Variants in CENPP observed in about 807,000 individuals in gnomAD.
The protein encoded by CENPP is centromere protein P.
In CENPP, 24 loss-of-function variants were observed where a neutral mutation model predicts 35.6. That is an observed-to-expected ratio of 0.67 (90% confidence interval 0.49 to 0.95). The LOEUF (loss-of-function observed/expected upper bound fraction) is 0.95, where lower values mean the gene tolerates loss of function less well. Ranked by LOEUF, CENPP falls within the 40% of genes least tolerant of loss-of-function variation. CENPP has a pLI of 0.00. For missense variants in CENPP, 332 were observed against 345.3 expected (o/e 0.96, Z 0.31); for synonymous variants, 120 against 125.5 (o/e 0.96, Z 0.29).
At position 92,615,943 on chromosome 9, in the gene CENPP, G is replaced by A. The variant is rs766204503; in HGVS notation, c.*2794G>A. 83 of 1,613,916 alleles carry A rather than the reference G, an allele frequency of 5.1e-5. No individual in the cohort carries two copies. Among genetic ancestry groups the A allele is most frequent in the South Asian group, 6.6e-5 (6 of 91,076 alleles). On this transcript the variant is annotated 3_prime_UTR_variant, in exon 8 of 8. Transcript: ENST00000375587. Reference sequence around the variant, plus strand: ...TTGAATAATAGTTGACGATCTTGCCGTCCAGTTTATACTGATGGGGAATGC... The same window carrying A: ...TTGAATAATAGTTGACGATCTTGCCATCCAGTTTATACTGATGGGGAATGC...
intron 4 of CENPP, among the ~76,000 whole-genome samples, chr9:92,377,828 A>T (rs1221891470): frequency 6.6e-6 from 1 of 152,206 alleles, no homozygotes; most frequent in African/African-American, 2.4e-5. Context: ...AATTCTGGAA[A>T]TTATTCTATA....
In CENPP at chr9:92,455,809, C is replaced by A. The variant is rs554055222; in HGVS notation, c.564+75950C>A. ...ACATTAGGCCAGGCTCAGTGGCTCA[C>A]GCCTGTAATCCCAGCACTTTGGGAG... On this transcript the variant is annotated intron_variant, in intron 5 of 7. Transcript: ENST00000375587. 2.6e-5 allele frequency among the ~76,000 whole-genome samples: 4 copies of A among 152,310 alleles called. No individual in the cohort carries two copies. In the South Asian group the frequency reaches 6.2e-4, roughly 24 times the overall value.
chr9:92,356,028 C>T (rs1249331226), intron 4 of CENPP, among the ~76,000 whole-genome samples: 1 of 152,122 alleles, frequency 6.6e-6, no homozygotes, highest in East Asian at 1.9e-4. Flanking sequence ...AATATATAAA[C>T]ACAGGGGTTA....
chr9:92,497,496 T>C (rs1353460766), intron 5 of CENPP, among the ~76,000 whole-genome samples: 1 of 151,712 alleles, frequency 6.6e-6, no homozygotes, highest in Non-Finnish European at 1.5e-5. Flanking sequence ...TGGTGGCGTA[T>C]CCTTGTAATC....
chr9:92,583,516 T>C (rs1850477493), intron 5 of CENPP, among the ~76,000 whole-genome samples: 1 of 152,248 alleles, frequency 6.6e-6, no homozygotes, highest in South Asian at 2.1e-4. Context: ...GTTTTAACTC[T>C]ATCTCACAAG....
At chr9:92,482,224 A>G (rs1845936802) in intron 5 of CENPP, 1 of 152,236 alleles carries the variant, frequency 6.6e-6, no homozygotes, top group Admixed American at 6.5e-5. Context: ...TTTATTAATA[A>G]CATTAATGTC....
chr9:92,583,748 A>G (rs552340086), intron 5 of CENPP, among the ~76,000 whole-genome samples: 73 of 152,328 alleles, frequency 4.8e-4, no homozygotes, highest in Admixed American at 9.8e-4. Flanking sequence ...AGTGAAACAA[A>G]CAATATTTTC....
chr9:92,590,943 A>G (rs1475377054), intron 5 of CENPP, among the ~76,000 whole-genome samples: 1 of 152,242 alleles, frequency 6.6e-6, no homozygotes, highest in Non-Finnish European at 1.5e-5. Flanking sequence ...TAGTTTCAGG[A>G]TAGAGAAGTA....
Position 92,415,168 on chromosome 9 carries a change from T to C in CENPP, c.564+35309T>C, listed in dbSNP as rs765551119. The C allele has an allele frequency of 6.9e-6, 11 of 1,605,688 alleles. No individual in the cohort carries two copies. Among genetic ancestry groups the C allele is most frequent in the Non-Finnish European group, 7.6e-6 (9 of 1,177,588 alleles). ...AGTTTCTTGCTATTCTTGATTTTCA[T>C]AATAATGAAGGTCAAAGTGCCCTTC... On this transcript the variant is annotated intron_variant, in intron 5 of 7. Transcript: ENST00000375587.
At position 92,618,253 on chromosome 9, in the gene CENPP, C is replaced by T; in HGVS notation, c.*5104C>T. Reference sequence around the variant, plus strand: ...TGCAGGATGGTTCCAGTGCCTACACCCTAGGTCTGAGAAGCCACATGGCTC... The same window carrying T: ...TGCAGGATGGTTCCAGTGCCTACACTCTAGGTCTGAGAAGCCACATGGCTC... On this transcript the variant is annotated 3_prime_UTR_variant, in exon 8 of 8. Coordinates refer to ENST00000375587, the MANE Select transcript of CENPP (RefSeq NM_001012267.3). 2.2e-6 allele frequency: 1 copy of T among 456,640 alleles called. No individual in the cohort carries two copies. The highest frequency in any genetic ancestry group is 1.5e-5 in the South Asian group (1 of 64,572). 28.3% of individuals were successfully genotyped at this position (456,640 alleles called of 1,614,324 possible).
chr9:92,542,883 ATTTCT>A (rs1849347789), intron 5 of CENPP, among the ~76,000 whole-genome samples: 1 of 152,090 alleles, frequency 6.6e-6, no homozygotes, highest in East Asian at 1.9e-4. Context: ...TTTTGAGTTG[ATTTCT>A]GTTTATGGTG....
intron 5 of CENPP, among the ~76,000 whole-genome samples, chr9:92,436,050 C>T (rs1844238606): frequency 6.6e-6 from 1 of 152,190 alleles, no homozygotes; most frequent in African/African-American, 2.4e-5. Flanking sequence ...TTCAGTTTCT[C>T]GACATCCTCA....
intron 5 of CENPP, among the ~76,000 whole-genome samples, chr9:92,433,410 TACAG>T (rs1844167739): frequency 6.6e-6 from 1 of 152,176 alleles, no homozygotes. Context: ...TGGTACTTGG[TACAG>T]ACAGTGAGTC....
At position 92,475,307 on chromosome 9, in the gene CENPP, CT is replaced by C. The variant is rs1204520209; in HGVS notation, c.564+95452del. On this transcript the variant is annotated intron_variant, in intron 5 of 7. Coordinates refer to ENST00000375587, the MANE Select transcript of CENPP (RefSeq NM_001012267.3). ...AACCCACAAAATGCTTGCAAAGACA[CT>C]TTTAAATATGGGATATTATCTTTTG... Among the ~76,000 whole-genome samples, 12 of 152,042 alleles carry C rather than the reference CT, an allele frequency of 7.9e-5. No homozygotes were observed. In the East Asian group the frequency reaches 1.7e-3, roughly 22 times the overall value.
At chr9:92,417,184 G>A (rs2130960163) in intron 5 of CENPP, 2 of 1,613,878 alleles carry the variant, frequency 1.2e-6, no homozygotes, top group African/African-American at 1.3e-5. Flanking sequence ...ATTTAATTTT[G>A]TTGTGGCTGA....
chr9:92,502,505 G>GT, intron 5 of CENPP: 1 of 1,611,436 alleles, frequency 6.2e-7, no homozygotes, highest in Non-Finnish European at 8.5e-7. Flanking sequence ...ATTGTAGCAT[G>GT]TACTTACTCT....
intron 5 of CENPP, among the ~76,000 whole-genome samples, chr9:92,546,368 T>C (rs1461751696): frequency 2.0e-5 from 3 of 152,110 alleles, no homozygotes; most frequent in Non-Finnish European, 4.4e-5. Context: ...GTTCTTTTGC[T>C]CTTTGCAATA....
chr9:92,521,312 C>T (rs1459679617), intron 5 of CENPP, among the ~76,000 whole-genome samples: 1 of 152,086 alleles, frequency 6.6e-6, no homozygotes, highest in Non-Finnish European at 1.5e-5. Context: ...ATAGCTTAGC[C>T]ATCTTTCCAC....
At chr9:92,460,480 A>C in intron 5 of CENPP, 1 of 1,583,384 alleles carries the variant, frequency 6.3e-7, no homozygotes. Context: ...TTACCTTTGT[A>C]GTTCTTTGTA....
Sources: gnomAD v4.1 joint callset for allele counts (sites outside exome capture counted in the v4.1 genomes callset) on GRCh38, gnomAD v4.1.1 for gene constraint, MANE v1.5 for transcripts, NCBI Gene and HGNC (gene_info 2026-07-23, HGNC 2026-07-21) for gene names.